The following SRRM3 variants were observed in gnomAD, a reference collection of about 807,000 sequenced individuals.
SRRM3 encodes the protein serine/arginine repetitive matrix protein 3.
SRRM3 carries 27 observed loss-of-function variants against 66.2 expected under a neutral mutation model. The observed-to-expected ratio is 0.41, with a 90% confidence interval of 0.30 to 0.56. The LOEUF is 0.56. Ranked by LOEUF, SRRM3 falls within the 20% of genes least tolerant of loss-of-function variation. SRRM3 has a pLI of 0.32. For synonymous variants in SRRM3, 391 were observed against 414.9 expected, an observed-to-expected ratio of 0.94 and a Z score of 0.70; for missense variants, 918 against 991.9, an observed-to-expected ratio of 0.93 and a Z score of 1.00.
intron 1 of SRRM3, among the ~76,000 whole-genome samples, chr7:76,212,464 CT>C (rs1173761653): frequency 0.081 from 7,931 of 98,086 alleles, 229 homozygotes; most frequent in Non-Finnish European, 0.092. Context: ...GCAAGGTCTG[CT>C]TTTTTTTTTT....
At chr7:76,261,465 A>T (rs1228611051) in intron 7 of SRRM3, 51 bp downstream of exon 7, 17 of 1,597,880 alleles carry the variant, frequency 1.1e-5, no homozygotes, top group Non-Finnish European at 1.5e-5. Context: ...CGTGGGGCCC[A>T]GGGCCAGGGC....
intron 3 of SRRM3, 30 bp from the exon 4 acceptor site, chr7:76,259,876 A>C (rs782534642): frequency 6.3e-7 from 1 of 1,599,324 alleles, no homozygotes; most frequent in Non-Finnish European, 8.5e-7. Flanking sequence ...TCGTCCCGAG[A>C]CTGGTGGTGA....
chr7:76,210,890 C>T (rs7779841), intron 1 of SRRM3, among the ~76,000 whole-genome samples: 2,280 of 152,154 alleles, frequency 0.015, 59 homozygotes, highest in African/African-American at 0.051. Context: ...GCAACCTCTG[C>T]CTCCCAGGTT....
chr7:76,220,787 A>T (rs1441546805), intron 1 of SRRM3, among the ~76,000 whole-genome samples: 1 of 152,058 alleles, frequency 6.6e-6, no homozygotes, highest in East Asian at 1.9e-4. Flanking sequence ...ACCCCCAGCC[A>T]GCCCCAGCCT....
intron 1 of SRRM3, among the ~76,000 whole-genome samples, chr7:76,211,481 G>A (rs981033024): frequency 5.3e-5 from 8 of 152,140 alleles, no homozygotes; most frequent in Non-Finnish European, 1.2e-4. Flanking sequence ...AGCAGAGAAC[G>A]CCAGGAATGT....
At chr7:76,215,404 T>A (rs1440419947) in intron 1 of SRRM3, among the ~76,000 whole-genome samples, 2 of 145,774 alleles carry the variant, frequency 1.4e-5, no homozygotes, top group Admixed American at 6.9e-5. Flanking sequence ...GTTTTTTTTT[T>A]TTTTTTTTTT....
chr7:76,258,399 C>T (rs1801765995), intron 3 of SRRM3, among the ~76,000 whole-genome samples: 1 of 152,068 alleles, frequency 6.6e-6, no homozygotes. Context: ...CGGAGATAGG[C>T]CAGGAGGAAG....
intron 1 of SRRM3, among the ~76,000 whole-genome samples, chr7:76,205,340 G>T (rs1297891356): frequency 1.3e-5 from 2 of 152,132 alleles, no homozygotes; most frequent in Admixed American, 1.3e-4. Context: ...CTCCCAAGTA[G>T]CTGGGACTAC....
intron 1 of SRRM3, among the ~76,000 whole-genome samples, chr7:76,226,490 T>G (rs1800866425): frequency 6.6e-6 from 1 of 152,238 alleles, no homozygotes; most frequent in African/African-American, 2.4e-5. Flanking sequence ...CAGCCTCAGT[T>G]GAACTCTAAG....
chr7:76,236,069 T>C (rs1414202418), intron 2 of SRRM3, among the ~76,000 whole-genome samples: 2 of 145,938 alleles, frequency 1.4e-5, no homozygotes, highest in African/African-American at 5.1e-5. Flanking sequence ...TCTCAGCACT[T>C]TGGGAGGCCG....
In SRRM3 at chr7:76,235,286, A is replaced by T. The variant is rs1473924305; in HGVS notation, c.220A>T (p.Met74Leu). 3 of 1,505,372 alleles carry T rather than the reference A, an allele frequency of 2.0e-6. No individual in the cohort carries two copies. In the African/African-American group the frequency reaches 4.2e-5, roughly 21 times the overall value. The allele number at this position is 1,505,372 out of a possible 1,614,324, so 93.3% of individuals were successfully genotyped here. A position where few individuals can be genotyped will look rare whatever the true frequency, so the allele number is the denominator to read the frequency against. The change falls in exon 2 of 15, where the codon ATG becomes TTG. Residue 74 changes from methionine (M) to leucine (L), a missense_variant. Physicochemically the swap from Met to Leu is conservative, Grantham distance 15. Transcript: ENST00000611745. ...CAAGTGCATGGAGCTGCAGGAGATG[A>T]TGGAGGAGCAGGGGTGAGCAGGCCG... Reference protein sequence around the residue: ...ELKCMELQEMMEEQGYSEEEI... With the variant: ...ELKCMELQEMLEEQGYSEEEI...
chr7:76,274,013 C>T (rs1554610807), intron 11 of SRRM3, among the ~76,000 whole-genome samples: 3 of 152,248 alleles, frequency 2.0e-5, no homozygotes, highest in Non-Finnish European at 4.4e-5. Context: ...CTGTATGCTG[C>T]AGTGAAGCCA....
At chr7:76,226,368 A>C (rs1314654839) in intron 1 of SRRM3, among the ~76,000 whole-genome samples, 2 of 152,178 alleles carry the variant, frequency 1.3e-5, no homozygotes, top group Non-Finnish European at 2.9e-5. Context: ...TAGAAGAAGG[A>C]GTGTGCCCCT....
intron 1 of SRRM3, among the ~76,000 whole-genome samples, chr7:76,224,405 G>T (rs11772114): frequency 0.18 from 25,875 of 142,852 alleles, 4,694 homozygotes; most frequent in African/African-American, 0.46. Context: ...AAAGGCACAT[G>T]TCTAACATCA....
chr7:76,261,680 T>C, intron 8 of SRRM3, 99 bp downstream of exon 8: 1 of 1,322,420 alleles, frequency 7.6e-7, no homozygotes, highest in Non-Finnish European at 1.1e-6. Context: ...CCCACAGGGC[T>C]CCATCCTTCA....
intron 1 of SRRM3, among the ~76,000 whole-genome samples, chr7:76,210,690 G>A (rs1554601621): frequency 6.6e-6 from 1 of 152,096 alleles, no homozygotes. Flanking sequence ...GGCGGGTAGT[G>A]CACTATGATC....
At chr7:76,281,152 CTCCCTCTT>C (rs1209066921) in intron 11 of SRRM3, among the ~76,000 whole-genome samples, 3 of 141,772 alleles carry the variant, frequency 2.1e-5, no homozygotes, top group Non-Finnish European at 4.9e-5. Context: ...TCCTCCCTCT[CTCCCTCTT>C]TCTTTCTTCT....
intron 3 of SRRM3, among the ~76,000 whole-genome samples, chr7:76,254,998 C>T (rs188566517): frequency 1.1e-4 from 17 of 152,172 alleles, no homozygotes; most frequent in Admixed American, 2.0e-4. Context: ...AACCTCGCTA[C>T]GTGCTGTGTG....
At chr7:76,282,913 G>A (rs1802564824) in intron 13 of SRRM3, 41 bp downstream of exon 13, 1 of 1,308,986 alleles carries the variant, frequency 7.6e-7, no homozygotes, top group African/African-American at 1.5e-5. Context: ...GCGGGCGGCG[G>A]GGTGGAGCGG....
Sources: allele counts gnomAD v4.1 joint callset (sites outside exome capture counted in the v4.1 genomes callset), GRCh38; gene constraint gnomAD v4.1.1; transcripts MANE v1.5; gene names NCBI Gene and HGNC (gene_info 2026-07-23, HGNC 2026-07-21).